MDH2: variants seen among roughly 807,000 people sequenced by gnomAD.
MDH2 encodes the protein malate dehydrogenase 2.
Under a neutral mutation model 33.6 loss-of-function variants are expected in MDH2, and 25 were observed. The ratio of observed to expected loss-of-function variants is 0.74; its 90% CI spans 0.54 to 1.04. MDH2 has a LOEUF of 1.04. Among genes scored for constraint, MDH2 ranks in the 50% least tolerant of loss-of-function variants. The probability of loss-of-function intolerance (pLI) is 0.00; values close to 1 mark genes in which losing one functional copy is unlikely to be tolerated. For synonymous variants in MDH2, 193 were observed against 188.7 expected (o/e 1.02, Z -0.19); for missense variants, 432 against 445.0 (o/e 0.97, Z 0.26).
In MDH2 at chr7:76,054,179, C is replaced by T. The variant is rs1637029; in HGVS notation, c.67-651C>T. Among the ~76,000 whole-genome samples, 4 of 152,214 alleles carry T rather than the reference C, an allele frequency of 2.6e-5. No individual in the cohort carries two copies. The South Asian group carries it at 6.2e-4, about 24-fold the overall frequency. ...AGAACCAGTGTGAGATACTGGAGCCCGAGATGACAGATCTGACTCACCAGG... is the reference window on the plus strand; with the variant it reads ...AGAACCAGTGTGAGATACTGGAGCCTGAGATGACAGATCTGACTCACCAGG... On this transcript the variant is annotated intron_variant, in intron 1 of 8. Coordinates refer to ENST00000315758, the MANE Select transcript of MDH2 (RefSeq NM_005918.4).
rs199565893 is a variant in MDH2 at position 76,054,859 on chromosome 7, C to G, written c.96C>G (p.Ala32=). 13 of 1,614,024 alleles carry G rather than the reference C, an allele frequency of 8.1e-6. No homozygotes were observed. Among genetic ancestry groups the G allele is most frequent in the African/African-American group, 1.3e-5 (1 of 74,916 alleles). Residue 32 remains alanine (A), a synonymous_variant, in exon 2 of 9, where the codon GCC becomes GCG. Coordinates refer to ENST00000315758, the MANE Select transcript of MDH2 (RefSeq NM_005918.4). ...ATGCTAAAGTAGCTGTGCTAGGGGCCTCTGGAGGCATCGGGCAGCCACTTT... is the reference window on the plus strand; with the variant it reads ...ATGCTAAAGTAGCTGTGCTAGGGGCGTCTGGAGGCATCGGGCAGCCACTTT... ...QNNAKVAVLG[A]SGGIGQPLSL... is the part of the protein sequence containing the mutation.
At chr7:76,048,981 C>CT in intron 1 of MDH2, 1 of 499,300 alleles carries the variant, frequency 2.0e-6, no homozygotes, top group Non-Finnish European at 2.3e-6. Context: ...CTTAAGACTG[C>CT]GGGGGGGGGG....
intron 2 of MDH2, among the ~76,000 whole-genome samples, chr7:76,056,533 C>T (rs372853439): frequency 6.6e-6 from 1 of 152,092 alleles, no homozygotes; most frequent in African/African-American, 2.4e-5. Flanking sequence ...GCTGTATATT[C>T]GGGTTAAGAA....
intron 4 of MDH2, among the ~76,000 whole-genome samples, chr7:76,058,829 C>T (rs1353221971): frequency 6.6e-6 from 1 of 152,180 alleles, no homozygotes; most frequent in Non-Finnish European, 1.5e-5. Flanking sequence ...ATCTGATAAC[C>T]AAAATGGCTC....
intron 1 of MDH2, 117 bp downstream of exon 1, chr7:76,048,343 G>A (rs1350591940): frequency 3.6e-6 from 5 of 1,373,630 alleles, no homozygotes; most frequent in Non-Finnish European, 3.8e-6. Flanking sequence ...AGGGATGCCC[G>A]GCACTGGCTG....
At chr7:76,051,472 C>T (rs1021340445) in intron 1 of MDH2, among the ~76,000 whole-genome samples, 1 of 151,958 alleles carries the variant, frequency 6.6e-6, no homozygotes, top group African/African-American at 2.4e-5. Flanking sequence ...CAGGCATGCG[C>T]CACCATGCCT....
Position 76,066,360 on chromosome 7 carries a change from C to G in MDH2, c.967C>G (p.Leu323Val). 6.2e-7 allele frequency: 1 copy of G among 1,609,870 alleles called. No individual in the cohort carries two copies. The highest frequency in any genetic ancestry group is 8.5e-7 in the Non-Finnish European group (1 of 1,178,736). The change falls in exon 9 of 9, where the codon CTG becomes GTG. Residue 323 changes from leucine to valine, a missense_variant. Leu to Val is a conservative substitution (Grantham distance 32). Coordinates refer to ENST00000315758, the MANE Select transcript of MDH2 (RefSeq NM_005918.4). Reference sequence around the variant, plus strand: ...GATGATCTCGGATGCCATCCCCGAGCTGAAGGCCTCCATCAAGAAGGGGGA... The same window carrying G: ...GATGATCTCGGATGCCATCCCCGAGGTGAAGGCCTCCATCAAGAAGGGGGA... Reference protein sequence around the residue: ...EKMISDAIPELKASIKKGEDF... With the variant: ...EKMISDAIPEVKASIKKGEDF...
At chr7:76,057,540 G>A (rs1797819858) in intron 3 of MDH2, 47 bp downstream of exon 3, 6 of 1,571,462 alleles carry the variant, frequency 3.8e-6, no homozygotes, top group Non-Finnish European at 5.2e-6. Context: ...GTGAAGATGT[G>A]GGGATTAAAT....
intron 2 of MDH2, among the ~76,000 whole-genome samples, chr7:76,056,785 G>C (rs1748373813): frequency 6.7e-6 from 1 of 148,470 alleles, no homozygotes; most frequent in Non-Finnish European, 1.5e-5. Flanking sequence ...GGCCAAGGTG[G>C]GTGGATCACT....
Position 76,055,144 on chromosome 7 carries a change from C to T in MDH2, c.235+146C>T, listed in dbSNP as rs575050280. On this transcript the variant is annotated intron_variant, in intron 2 of 8. Transcript: ENST00000315758. ...TTTAAATTTTACAAGTGATTACACC[C>T]TTTTAGACTTGGCGTCTATAAAAAT... 4.2e-4 allele frequency: 380 copies of T among 903,618 alleles called. 6 individuals are homozygous for T. The highest frequency in any genetic ancestry group is 1.5e-3 in the South Asian group (69 of 44,838). 56.0% of individuals were successfully genotyped at this position (903,618 alleles called of 1,614,324 possible).
intron 6 of MDH2, among the ~76,000 whole-genome samples, chr7:76,063,841 C>T (rs1171140126): frequency 6.6e-6 from 1 of 152,216 alleles, no homozygotes; most frequent in African/African-American, 2.4e-5. Context: ...CACCGGGTTA[C>T]TGGTTAGGCC....
At chr7:76,058,270 C>T in intron 4 of MDH2, 192 bp downstream of exon 4, 1 of 582,454 alleles carries the variant, frequency 1.7e-6, no homozygotes, top group Non-Finnish European at 3.1e-6. Flanking sequence ...CTAAGGACTC[C>T]TTCCAGCATG....
At position 76,052,736 on chromosome 7, in the gene MDH2, G is replaced by A. The variant is rs565812463; in HGVS notation, c.67-2094G>A. Among the ~76,000 whole-genome samples the A allele has an allele frequency of 4.6e-5, 7 of 151,968 alleles. No individual in the cohort carries two copies. In the South Asian group the frequency reaches 1.2e-3, roughly 27 times the overall value. ...ATTTTTTTTATTATTAGTAGAGATGGGGTTTTGCCATGTTGGCCAAGCTGG... is the reference window on the plus strand; with the variant it reads ...ATTTTTTTTATTATTAGTAGAGATGAGGTTTTGCCATGTTGGCCAAGCTGG... On this transcript the variant is annotated intron_variant, in intron 1 of 8. Transcript: ENST00000315758.
rs553033389 is a variant in MDH2 at position 76,060,466 on chromosome 7, G to A, written c.523G>A (p.Val175Ile). The change falls in exon 5 of 9, where the codon GTC becomes ATC. Residue 175 changes from valine to isoleucine, a missense_variant. By Grantham distance (29) the Val-to-Ile change is conservative. Transcript: ENST00000315758. Reference sequence around the variant, plus strand: ...CTTCGGCGTGACGACCCTGGACATCGTCAGAGCCAACACCTTTGTTGCAGA... The same window carrying A: ...CTTCGGCGTGACGACCCTGGACATCATCAGAGCCAACACCTTTGTTGCAGA... Reference protein sequence around the residue: ...KIFGVTTLDIVRANTFVAELK... With the variant: ...KIFGVTTLDIIRANTFVAELK... 111 of 1,614,130 alleles carry A rather than the reference G, an allele frequency of 6.9e-5. No individual in the cohort carries two copies. In the South Asian group the frequency reaches 8.1e-4, roughly 12 times the overall value.
intron 2 of MDH2, among the ~76,000 whole-genome samples, chr7:76,056,189 G>T (rs368090624): frequency 6.6e-6 from 1 of 152,246 alleles, no homozygotes; most frequent in East Asian, 1.9e-4. Context: ...CTCTGCTGTT[G>T]ACCATTGGCT....
intron 1 of MDH2, among the ~76,000 whole-genome samples, chr7:76,050,050 C>G (rs1311708985): frequency 6.6e-6 from 1 of 150,376 alleles, no homozygotes; most frequent in Non-Finnish European, 1.5e-5. Flanking sequence ...CAGGATGGAC[C>G]TGACAGAGTC....
intron 5 of MDH2, among the ~76,000 whole-genome samples, chr7:76,061,426 A>G: frequency 6.6e-6 from 1 of 152,140 alleles, no homozygotes; most frequent in Non-Finnish European, 1.5e-5. Context: ...AGAGTTTCAA[A>G]AGGCATGGCC....
At chr7:76,057,868 T>C in intron 3 of MDH2, 101 bp from the exon 4 acceptor site, 1 of 1,084,314 alleles carries the variant, frequency 9.2e-7, no homozygotes, top group Non-Finnish European at 1.4e-6. Flanking sequence ...ACGGGGACCT[T>C]GAGTGGCTAA....
chr7:76,057,564 A>ATAGG, intron 3 of MDH2, 71 bp downstream of exon 3: 1 of 1,473,368 alleles, frequency 6.8e-7, no homozygotes, highest in South Asian at 1.2e-5. Flanking sequence ...TTTCCTATTA[A>ATAGG]AAATGGATTT....
Sources: allele counts gnomAD v4.1 joint callset (sites outside exome capture counted in the v4.1 genomes callset), GRCh38; gene constraint gnomAD v4.1.1; transcripts MANE v1.5; gene names NCBI Gene and HGNC (gene_info 2026-07-23, HGNC 2026-07-21).